ANXA10: variants seen among roughly 807,000 people sequenced by gnomAD.
ANXA10 encodes the protein annexin 14.
A neutral mutation model predicts 53.5 loss-of-function variants in ANXA10; 49 were observed. That is an observed-to-expected ratio of 0.92 (90% CI 0.73 to 1.16). ANXA10 has a LOEUF of 1.16. Among genes scored for constraint, ANXA10 ranks in the 50% most tolerant of loss-of-function variants. The pLI is 0.00. For synonymous variants in ANXA10, 131 were observed against 128.9 expected, an observed-to-expected ratio of 1.02 and a Z score of -0.11; for missense variants, 393 against 394.4, an observed-to-expected ratio of 1.00 and a Z score of 0.03.
chr4:168,182,643 A>AT (rs1405042976), intron 10 of ANXA10, among the ~76,000 whole-genome samples: 3 of 148,384 alleles, frequency 2.0e-5, no homozygotes, highest in Admixed American at 6.7e-5. Context: ...TGGAGCGTTC[A>AT]TTTTTTTAAA....
chr4:168,180,176 C>A (rs1445434957), intron 9 of ANXA10, among the ~76,000 whole-genome samples: 1 of 151,886 alleles, frequency 6.6e-6, no homozygotes. Context: ...TTTGATGAAA[C>A]CCCTAAAATA....
chr4:168,162,049 A>C (rs1441600561), intron 3 of ANXA10, among the ~76,000 whole-genome samples: 3 of 152,298 alleles, frequency 2.0e-5, no homozygotes, highest in African/African-American at 7.2e-5. Context: ...GAAAGTTCTA[A>C]GACTACTTAA....
Position 168,165,292 on chromosome 4 carries a change from G to T in ANXA10, c.446G>T (p.Gly149Val). The T allele has an allele frequency of 1.3e-6, 2 of 1,590,554 alleles. No individual in the cohort carries two copies. Among genetic ancestry groups the T allele is most frequent in the African/African-American group, 1.4e-5 (1 of 73,886 alleles). The change falls in exon 6 of 12, where the codon GGA (glycine) becomes GTA (valine). Residue 149 changes from glycine (G) to valine (V), a missense_variant. By Grantham distance (109) the Gly-to-Val change is moderately radical (BLOSUM62 -3). Transcript: ENST00000359299. Reference protein sequence around the residue: ...LQEDIYSETSGHFRDTLMNLV... With the variant: ...LQEDIYSETSVHFRDTLMNLV... ...GAGGACATTTATTCAGAGACCTCAG[G>T]ACACTTCAGAGATACTCTCATGAAC...
chr4:168,158,734 T>TAAG (rs1267712137), intron 3 of ANXA10, among the ~76,000 whole-genome samples: 3 of 152,190 alleles, frequency 2.0e-5, no homozygotes, highest in Non-Finnish European at 4.4e-5. Context: ...CTTTCTTTGC[T>TAAG]AAGAATTTTT....
intron 1 of ANXA10, among the ~76,000 whole-genome samples, chr4:168,116,642 T>C (rs2149467426): frequency 6.6e-6 from 1 of 152,330 alleles, no homozygotes; most frequent in South Asian, 2.1e-4. Context: ...TAATTTTTCA[T>C]ATTTTATTTA....
At chr4:168,136,209 A>G (rs1731234428) in intron 2 of ANXA10, among the ~76,000 whole-genome samples, 2 of 152,146 alleles carry the variant, frequency 1.3e-5, no homozygotes, top group Non-Finnish European at 2.9e-5. Flanking sequence ...GCAAAGAGAC[A>G]CAAATCCAAA....
chr4:168,156,057 T>C (rs1326591861), intron 3 of ANXA10, among the ~76,000 whole-genome samples: 1 of 75,848 alleles, frequency 1.3e-5, no homozygotes, highest in Non-Finnish European at 2.3e-5. Context: ...TATTATATAT[T>C]ATATATCATA....
intron 2 of ANXA10, among the ~76,000 whole-genome samples, chr4:168,134,313 C>G (rs139915060): frequency 2.6e-5 from 4 of 152,102 alleles, no homozygotes; most frequent in Admixed American, 2.0e-4. Flanking sequence ...ACAACACTTA[C>G]AAAATTGATT....
chr4:168,155,480 T>C (rs1366206771), intron 3 of ANXA10, among the ~76,000 whole-genome samples: 1 of 17,364 alleles, frequency 5.8e-5, no homozygotes, highest in East Asian at 5.2e-4. Flanking sequence ...TTATAAATTA[T>C]ATATTATATA....
intron 3 of ANXA10, among the ~76,000 whole-genome samples, chr4:168,156,094 A>G (rs1281642769): frequency 1.5e-5 from 1 of 64,570 alleles, no homozygotes; most frequent in Non-Finnish European, 2.5e-5. Flanking sequence ...TATAATATTT[A>G]TTATATATAA....
intron 9 of ANXA10, 128 bp downstream of exon 9, chr4:168,179,440 T>TA: frequency 3.1e-6 from 2 of 646,474 alleles, no homozygotes; most frequent in Non-Finnish European, 5.2e-6. Flanking sequence ...TTTAATTTTT[T>TA]AAAAGGACAT....
chr4:168,183,692 A>C (rs1469337817), intron 10 of ANXA10, among the ~76,000 whole-genome samples: 1 of 152,212 alleles, frequency 6.6e-6, no homozygotes, highest in Non-Finnish European at 1.5e-5. Context: ...CAAATGTCAA[A>C]TGTTTGTCAA....
chr4:168,186,947 T>G (rs1732382035), intron 11 of ANXA10, among the ~76,000 whole-genome samples: 1 of 152,066 alleles, frequency 6.6e-6, no homozygotes. Context: ...TAATATATAT[T>G]TCTTGAGGTA....
chr4:168,131,711 T>C (rs1731159020), intron 2 of ANXA10, among the ~76,000 whole-genome samples: 1 of 152,066 alleles, frequency 6.6e-6, no homozygotes, highest in African/African-American at 2.4e-5. Flanking sequence ...TTATATCTTC[T>C]TGGAGAACTG....
chr4:168,101,399 C>T (rs759900144), intron 1 of ANXA10, among the ~76,000 whole-genome samples: 1 of 151,744 alleles, frequency 6.6e-6, no homozygotes, highest in Non-Finnish European at 1.5e-5. Flanking sequence ...TGAGAATGAA[C>T]TAATACACTG....
chr4:168,125,365 A>G (rs906582030), intron 1 of ANXA10, among the ~76,000 whole-genome samples: 3 of 152,148 alleles, frequency 2.0e-5, no homozygotes, highest in African/African-American at 7.2e-5. Context: ...AACATACTGA[A>G]TTATCCATTG....
At chr4:168,153,446 AACAAAAAC>A (rs1731537561) in intron 3 of ANXA10, among the ~76,000 whole-genome samples, 1 of 53,796 alleles carries the variant, frequency 1.9e-5, no homozygotes, top group African/African-American at 6.7e-5. Flanking sequence ...AAAAAACAAA[AACAAAAAC>A]AAAACAAAAA....
chr4:168,152,314 T>A (rs1731511491), intron 3 of ANXA10, among the ~76,000 whole-genome samples: 1 of 152,036 alleles, frequency 6.6e-6, no homozygotes, highest in African/African-American at 2.4e-5. Flanking sequence ...AGGGCAAAAG[T>A]AAAGGCCCTG....
At chr4:168,171,256 C>A (rs1414800276) in intron 6 of ANXA10, among the ~76,000 whole-genome samples, 3 of 152,110 alleles carry the variant, frequency 2.0e-5, no homozygotes, top group African/African-American at 7.2e-5. Context: ...AACTGTGGGG[C>A]ACCATAGTGT....
Sources: allele counts gnomAD v4.1 joint callset (sites outside exome capture counted in the v4.1 genomes callset), GRCh38; gene constraint gnomAD v4.1.1; transcripts MANE v1.5; gene names NCBI Gene and HGNC (gene_info 2026-07-23, HGNC 2026-07-21).